The following HERC3 variants were observed in gnomAD, a reference collection of about 807,000 sequenced individuals.
HERC3 encodes the protein HECT and RLD domain containing E3 ubiquitin protein ligase 3, also known as probable E3 ubiquitin-protein ligase HERC3.
Under a neutral mutation model 129.9 loss-of-function variants are expected in HERC3, and 58 were observed. The observed-to-expected ratio is 0.45, with a 90% CI of 0.36 to 0.56. The LOEUF (loss-of-function observed/expected upper bound fraction) is 0.56, where lower values mean the gene tolerates loss of function less well. Among genes scored for constraint, HERC3 ranks in the 20% least tolerant of loss-of-function variants. The probability of loss-of-function intolerance (pLI) is 0.00; values close to 1 mark genes in which losing one functional copy is unlikely to be tolerated. For synonymous variants in HERC3, 430 were observed against 451.0 expected (o/e 0.95, Z 0.59); for missense variants, 835 against 1,244.2 (o/e 0.67, Z 4.95).
chr4:88,593,438 GT>G (rs1207219635), intron 1 of HERC3: 3 of 152,298 alleles, frequency 2.0e-5, no homozygotes, highest in Admixed American at 6.5e-5. Flanking sequence ...TATGGAGACA[GT>G]ACCTAATGCG....
At chr4:88,533,132 G>T in the HERC3 span, among the ~76,000 whole-genome samples, 1 of 152,226 alleles carries the variant, frequency 6.6e-6, no homozygotes, top group Non-Finnish European at 1.5e-5. Flanking sequence ...ATGTCCAAGA[G>T]TCCAAAAGCT....
At chr4:88,680,386 G>C in intron 20 of HERC3, 150 bp downstream of exon 20, 1 of 573,998 alleles carries the variant, frequency 1.7e-6, no homozygotes, top group Non-Finnish European at 2.8e-6. Context: ...TGTTTATCCA[G>C]TCTTCATTTA....
At chr4:88,664,928 C>T (rs1375952821) in intron 12 of HERC3, among the ~76,000 whole-genome samples, 3 of 152,132 alleles carry the variant, frequency 2.0e-5, no homozygotes, top group African/African-American at 7.2e-5. Context: ...GCAAATATCT[C>T]CCTCAGGAAC....
rs1332738535 is a variant in HERC3, at chr4:88,708,009, A to T, written c.*1049A>T. ...CCTTCCTCTCCTCTCCTTCTAGTGG[A>T]TGCATGCAGCCTTTTTTTCAATTTT... is the stretch of plus-strand genomic sequence containing the variant. On this transcript the variant is annotated 3_prime_UTR_variant, in exon 26 of 26. Coordinates refer to ENST00000402738, the MANE Select transcript of HERC3 (RefSeq NM_014606.3). 1.3e-5 allele frequency: 2 copies of T among 152,012 alleles called. No individual in the cohort carries two copies. The highest frequency in any genetic ancestry group is 2.9e-5 in the Non-Finnish European group (2 of 67,960). The allele number at this position is 152,012 out of a possible 1,614,324, so 9.4% of individuals were successfully genotyped here.
intron 1 of HERC3, among the ~76,000 whole-genome samples, chr4:88,595,119 AAAAAG>A (rs1722211739): frequency 2.0e-5 from 3 of 151,294 alleles, no homozygotes; most frequent in African/African-American, 7.3e-5. Context: ...AAAAAAAAAA[AAAAAG>A]AAAAGGAATG....
intron 3 of HERC3, among the ~76,000 whole-genome samples, chr4:88,640,640 A>G (rs1026320054): frequency 2.6e-5 from 4 of 152,150 alleles, no homozygotes; most frequent in Non-Finnish European, 5.9e-5. Context: ...AAAACAAGTG[A>G]CGGGTTAATA....
chr4:88,572,427 AAAAAAC>A, the HERC3 span, among the ~76,000 whole-genome samples: 3 of 152,054 alleles, frequency 2.0e-5, no homozygotes, highest in African/African-American at 4.8e-5. Context: ...CCCTGCCTCA[AAAAAAC>A]AAAAAACAAA....
At chr4:88,620,866 G>A (rs972938530) in intron 3 of HERC3, among the ~76,000 whole-genome samples, 1 of 151,948 alleles carries the variant, frequency 6.6e-6, no homozygotes, top group African/African-American at 2.4e-5. Flanking sequence ...TATTCCTTCA[G>A]GTCTCTGCTC....
chr4:88,642,981 G>GA (rs942099904), intron 3 of HERC3, among the ~76,000 whole-genome samples: 29 of 151,986 alleles, frequency 1.9e-4, no homozygotes, highest in Middle Eastern at 3.4e-3. Context: ...TCTATTCTCA[G>GA]AAAAAATTCT....
intron 2 of HERC3, among the ~76,000 whole-genome samples, chr4:88,603,311 G>T (rs1463244856): frequency 1.3e-5 from 2 of 151,044 alleles, no homozygotes; most frequent in South Asian, 4.2e-4. Flanking sequence ...GGGTTCAAGC[G>T]ATTCTTGTGC....
At chr4:88,702,165 T>C (rs1357270107) in intron 23 of HERC3, among the ~76,000 whole-genome samples, 2 of 152,238 alleles carry the variant, frequency 1.3e-5, no homozygotes, top group Non-Finnish European at 2.9e-5. Flanking sequence ...GTATGCATCA[T>C]ATTTATAATT....
At chr4:88,650,296 C>T (rs1243802481) in intron 4 of HERC3, among the ~76,000 whole-genome samples, 1 of 152,262 alleles carries the variant, frequency 6.6e-6, no homozygotes, top group Non-Finnish European at 1.5e-5. Flanking sequence ...TCTTTCACAT[C>T]GTAGGCTTAT....
chr4:88,651,985 TGAAAAA>T (rs1422518611), intron 4 of HERC3, 21 bp from the exon 5 acceptor site: 1 of 1,481,674 alleles, frequency 6.7e-7, no homozygotes, highest in Non-Finnish European at 9.4e-7. Context: ...AATATCTATC[TGAAAAA>T]GAAAGCCTTT....
intron 3 of HERC3, among the ~76,000 whole-genome samples, chr4:88,641,506 T>G (rs1728087140): frequency 6.6e-6 from 1 of 152,106 alleles, no homozygotes; most frequent in Non-Finnish European, 1.5e-5. Context: ...AGAAAATCAA[T>G]GGAACCAAAA....
At chr4:88,554,715 T>G in the HERC3 span, among the ~76,000 whole-genome samples, 1 of 152,196 alleles carries the variant, frequency 6.6e-6, no homozygotes, top group Non-Finnish European at 1.5e-5. Context: ...TATGATACCT[T>G]GGCATTTAAC....
Position 88,633,689 on chromosome 4 carries a change from A to G in HERC3, c.227-16151A>G, listed in dbSNP as rs114181681. On this transcript the variant is annotated intron_variant, in intron 3 of 25. Transcript: ENST00000402738. ...AAATATAGCAATGATTATATTAAATAGAAATAGTCTAAACAAAACAACCCA... is the reference window on the plus strand; with the variant it reads ...AAATATAGCAATGATTATATTAAATGGAAATAGTCTAAACAAAACAACCCA... Among the ~76,000 whole-genome samples, 384 of 151,958 alleles carry G rather than the reference A, an allele frequency of 2.5e-3. 3 individuals carry two copies. The highest frequency in any genetic ancestry group is 9.1e-3 in the African/African-American group (375 of 41,290).
At chr4:88,636,863 C>T (rs115593837) in intron 3 of HERC3, among the ~76,000 whole-genome samples, 27 of 152,176 alleles carry the variant, frequency 1.8e-4, no homozygotes, top group Non-Finnish European at 2.8e-4. Flanking sequence ...TGGCCAGGTG[C>T]GATGGCTCAT....
intron 3 of HERC3, among the ~76,000 whole-genome samples, chr4:88,610,243 A>G (rs972716435): frequency 2.6e-5 from 4 of 152,274 alleles, no homozygotes; most frequent in Non-Finnish European, 5.9e-5. Flanking sequence ...TAACGAGGTC[A>G]GGAGTCCGAG....
the HERC3 span, among the ~76,000 whole-genome samples, chr4:88,550,047 T>C: frequency 1.3e-5 from 2 of 152,208 alleles, no homozygotes; most frequent in East Asian, 1.9e-4. Flanking sequence ...AAGGGGATAG[T>C]GAAACTTAGG....
Sources: allele counts gnomAD v4.1 joint callset (sites outside exome capture counted in the v4.1 genomes callset), GRCh38; gene constraint gnomAD v4.1.1; transcripts MANE v1.5; gene names NCBI Gene and HGNC (gene_info 2026-07-23, HGNC 2026-07-21).